XRCC5: variants seen among roughly 807,000 people sequenced by gnomAD.
The protein encoded by XRCC5 is X-ray repair cross complementing 5, also known as DNA repair protein Ku80.
In XRCC5, 12 loss-of-function variants were observed where a neutral mutation model predicts 95.7. The ratio of observed to expected loss-of-function variants is 0.13; its 90% CI spans 0.08 to 0.20. The LOEUF (loss-of-function observed/expected upper bound fraction) is 0.20. Among genes scored for constraint, XRCC5 ranks in the 10% least tolerant of loss-of-function variants. XRCC5 has a pLI of 1.00. For missense variants in XRCC5, 595 were observed against 873.9 expected (o/e 0.68, Z 4.02); for synonymous variants, 281 against 290.3 (o/e 0.97, Z 0.33).
chr2:216,136,885 G>A (rs575863750), intron 10 of XRCC5, among the ~76,000 whole-genome samples: 17 of 152,180 alleles, frequency 1.1e-4, no homozygotes, highest in African/African-American at 2.6e-4. Context: ...GCAGTAAGAC[G>A]GATTTAGTTA....
intron 16 of XRCC5, among the ~76,000 whole-genome samples, chr2:216,184,871 C>G (rs1472276733): frequency 6.6e-6 from 1 of 152,168 alleles, no homozygotes; most frequent in Non-Finnish European, 1.5e-5. Context: ...CCCTTAGATC[C>G]CCTCCTCACC....
chr2:216,167,687 A>G (rs1195524163), intron 16 of XRCC5, among the ~76,000 whole-genome samples: 2 of 151,838 alleles, frequency 1.3e-5, no homozygotes, highest in Non-Finnish European at 2.9e-5. Flanking sequence ...CTGCCCAGAT[A>G]GATAAGAAGA....
intron 10 of XRCC5, among the ~76,000 whole-genome samples, chr2:216,134,413 C>T (rs1348550381): frequency 6.7e-6 from 1 of 149,650 alleles, no homozygotes; most frequent in Non-Finnish European, 1.5e-5. Context: ...CCCATCCTTC[C>T]TTCTTGTTTT....
chr2:216,110,650 A>G lies in XRCC5; in HGVS notation c.21+1193A>G, dbSNP rs147685416. On this transcript the variant is annotated intron_variant, in intron 1 of 20. Coordinates refer to ENST00000392132, the MANE Select transcript of XRCC5 (RefSeq NM_021141.4). ...CAGAAATATAGACCATTCTGCTTCC[A>G]GACAATAAGTTCCATATTTGAAACC... The G allele has an allele frequency of 7.1e-4, 108 of 152,348 alleles. 1 individual carries two copies. The highest frequency in any genetic ancestry group is 2.4e-3 in the African/African-American group (99 of 41,570). 9.4% of individuals were successfully genotyped at this position (152,348 alleles called of 1,614,324 possible).
intron 16 of XRCC5, among the ~76,000 whole-genome samples, chr2:216,179,107 C>T (rs191704837): frequency 1.1e-4 from 16 of 152,320 alleles, no homozygotes; most frequent in Admixed American, 5.9e-4. Context: ...GTTCTGGAGA[C>T]TAAAGTCCAA....
chr2:216,187,626 T>C (rs1481105579), intron 16 of XRCC5, among the ~76,000 whole-genome samples: 2 of 151,968 alleles, frequency 1.3e-5, no homozygotes, highest in African/African-American at 4.8e-5. Flanking sequence ...AGTTGTTTCA[T>C]GGGCTCCCAG....
intron 14 of XRCC5, 148 bp from the exon 15 acceptor site, chr2:216,159,920 G>GT (rs1232692484): frequency 1.3e-5 from 7 of 556,446 alleles, no homozygotes; most frequent in African/African-American, 4.0e-5. Context: ...TGTAGCTATT[G>GT]TTTTTCTTTT....
chr2:216,137,189 C>T lies in XRCC5; in HGVS notation c.1215C>T (p.Val405=), dbSNP rs1197392596. The part of the protein sequence containing the change: ...YAYDKRANPQ[V]GVAFPHIKHN... Reference sequence around the variant, plus strand: ...ATGACAAAAGAGCTAATCCTCAAGTCGGCGTGGCTTTTCCTCATATCAAGC... The same window carrying T: ...ATGACAAAAGAGCTAATCCTCAAGTTGGCGTGGCTTTTCCTCATATCAAGC... The change falls in exon 11 of 21, where the codon GTC becomes GTT. Residue 405 remains valine, a synonymous_variant. Transcript: ENST00000392132. The T allele has an allele frequency of 9.9e-6, 16 of 1,613,398 alleles. No homozygotes were observed. The highest frequency in any genetic ancestry group is 5.0e-5 in the Admixed American group (3 of 59,952).
At chr2:216,203,617 T>C (rs1020220086) in intron 19 of XRCC5, among the ~76,000 whole-genome samples, 1 of 152,250 alleles carries the variant, frequency 6.6e-6, no homozygotes, top group African/African-American at 2.4e-5. Context: ...TGTATTACTA[T>C]GTATCTGCCT....
chr2:216,146,792 T>G (rs899441110), intron 13 of XRCC5, among the ~76,000 whole-genome samples: 1 of 152,184 alleles, frequency 6.6e-6, no homozygotes, highest in African/African-American at 2.4e-5. Flanking sequence ...TGCCCTGGCC[T>G]TGATCTTGGC....
chr2:216,181,529 C>T (rs1266037002), intron 16 of XRCC5, among the ~76,000 whole-genome samples: 1 of 152,138 alleles, frequency 6.6e-6, no homozygotes, highest in African/African-American at 2.4e-5. Flanking sequence ...AGCTGATTAA[C>T]TCTTTTAAAA....
At chr2:216,134,931 A>G (rs1481664841) in intron 10 of XRCC5, among the ~76,000 whole-genome samples, 2 of 152,230 alleles carry the variant, frequency 1.3e-5, no homozygotes, top group African/African-American at 4.8e-5. Context: ...TGTATTAGGT[A>G]AGTGAGGTCA....
At chr2:216,115,583 T>G (rs1038949261) in intron 2 of XRCC5, among the ~76,000 whole-genome samples, 1 of 152,232 alleles carries the variant, frequency 6.6e-6, no homozygotes, top group Non-Finnish European at 1.5e-5. Context: ...CCTACAAAAA[T>G]GAAGAATGAC....
chr2:216,144,028 T>C (rs1379369140), intron 13 of XRCC5, among the ~76,000 whole-genome samples: 1 of 152,100 alleles, frequency 6.6e-6, no homozygotes, highest in Non-Finnish European at 1.5e-5. Flanking sequence ...CTTACTTCTT[T>C]TATGGACCCC....
At chr2:216,190,150 T>A in intron 16 of XRCC5, 75 bp from the exon 17 acceptor site, 5 of 1,275,184 alleles carry the variant, frequency 3.9e-6, no homozygotes, top group Non-Finnish European at 5.6e-6. Context: ...TACATACTTA[T>A]AGGCACAAAC....
intron 19 of XRCC5, among the ~76,000 whole-genome samples, chr2:216,202,313 C>A (rs1689847245): frequency 6.6e-6 from 1 of 152,292 alleles, no homozygotes; most frequent in South Asian, 2.1e-4. Flanking sequence ...GAAAATCATG[C>A]AGGGGTTAAT....
intron 11 of XRCC5, among the ~76,000 whole-genome samples, chr2:216,137,886 T>C (rs1291990759): frequency 6.6e-6 from 1 of 152,242 alleles, no homozygotes; most frequent in Non-Finnish European, 1.5e-5. Context: ...TACATTTCTC[T>C]TATGCTTAAT....
chr2:216,187,824 CTCT>C (rs1689531167), intron 16 of XRCC5, among the ~76,000 whole-genome samples: 1 of 33,558 alleles, frequency 3.0e-5, no homozygotes, highest in Non-Finnish European at 6.0e-5. Context: ...CACACACACT[CTCT>C]CTCTCTCTCT....
chr2:216,172,884 A>T (rs1385811310), intron 16 of XRCC5, among the ~76,000 whole-genome samples: 1 of 152,206 alleles, frequency 6.6e-6, no homozygotes, highest in Non-Finnish European at 1.5e-5. Context: ...ATGAACATGG[A>T]ATAGTTACTC....
Sources: allele counts gnomAD v4.1 joint callset (sites outside exome capture counted in the v4.1 genomes callset), GRCh38; gene constraint gnomAD v4.1.1; transcripts MANE v1.5; gene names NCBI Gene and HGNC (gene_info 2026-07-23, HGNC 2026-07-21).